LPL: variants seen among roughly 807,000 people sequenced by gnomAD.
The protein encoded by LPL is lipoprotein lipase.
In LPL, 43 loss-of-function variants were observed where a neutral mutation model predicts 52.2. The observed-to-expected ratio is 0.82, with a 90% CI of 0.64 to 1.06. The LOEUF (loss-of-function observed/expected upper bound fraction) is 1.06. Among genes scored for constraint, LPL ranks in the 50% least tolerant of loss-of-function variants. The pLI is 0.00. For missense variants in LPL, 639 were observed against 585.3 expected, an observed-to-expected ratio of 1.09 and a Z score of -0.95; for synonymous variants, 244 against 215.6, an observed-to-expected ratio of 1.13 and a Z score of -1.15.
At chr8:19,943,056 T>C (rs944235260) in intron 1 of LPL, among the ~76,000 whole-genome samples, 45 of 152,228 alleles carry the variant, frequency 3.0e-4, no homozygotes, top group Admixed American at 2.9e-3. Flanking sequence ...AGAACAAAGA[T>C]GACCCAGTTG....
intron 7 of LPL, 151 bp from the exon 8 acceptor site, chr8:19,960,750 T>C (rs2070030998): frequency 1.5e-6 from 1 of 648,162 alleles, no homozygotes; most frequent in African/African-American, 1.8e-5. Flanking sequence ...GCCATCGACC[T>C]TCATTTTGAG....
rs1046881566 is a variant in LPL at position 19,939,362 on chromosome 8, A to C, written c.-79A>C. 3 of 1,420,590 alleles carry C rather than the reference A, an allele frequency of 2.1e-6. No individual in the cohort carries two copies. The highest frequency in any genetic ancestry group is 2.9e-6 in the Non-Finnish European group (3 of 1,033,306). The allele number at this position is 1,420,590 out of a possible 1,614,324, so 88.0% of individuals were successfully genotyped here. A position where few individuals can be genotyped will look rare whatever the true frequency, so the allele number is the denominator to read the frequency against. ...TTGCTCAGCGCCAAACCGCGGCTCC[A>C]GCCCTCTCCAGCCTCCGGCTCAGCC... On this transcript the variant is annotated 5_prime_UTR_variant, in exon 1 of 10. Transcript: ENST00000650287. This position sits in a 1 kb window ranked among gnomAD's most constrained non-coding sequence, Gnocchi z 4.0.
chr8:19,964,955 CCTT>C, intron 9 of LPL, among the ~76,000 whole-genome samples: 1 of 152,324 alleles, frequency 6.6e-6, no homozygotes, highest in South Asian at 2.1e-4. Context: ...CTTTCTCACA[CCTT>C]CTGCTAACTC....
chr8:19,955,977 T>A lies in LPL; in HGVS notation c.912T>A (p.Ser304Arg). 1 of 1,614,088 alleles carries A rather than the reference T, an allele frequency of 6.2e-7. No homozygotes were observed. Among genetic ancestry groups the A allele is most frequent in the Non-Finnish European group, 8.5e-7 (1 of 1,180,012 alleles). ...CCTTTGAGAAAGGGCTCTGCTTGAG[T>A]TGTAGAAAGAACCGCTGCAACAATC... The part of the protein sequence containing the change: ...KEAFEKGLCL[S>R]CRKNRCNNLG... The change falls in exon 6 of 10, where the codon AGT (serine) becomes AGA (arginine). Residue 304 changes from serine to arginine, a missense_variant. Transcript: ENST00000650287.
Position 19,939,530 on chromosome 8 carries a change from T to C in LPL, c.88+2T>C. 6.2e-7 allele frequency: 1 copy of C among 1,606,500 alleles called. No individual in the cohort carries two copies. Among genetic ancestry groups the C allele is most frequent in the Non-Finnish European group, 8.5e-7 (1 of 1,177,438 alleles). On this transcript the variant is annotated splice_donor_variant, in intron 1 of 9. Coordinates refer to ENST00000650287, the MANE Select transcript of LPL (RefSeq NM_000237.3). LOFTEE classifies it high-confidence loss of function. The surrounding 1 kb of genome is among the most constrained non-coding windows in gnomAD (Gnocchi z 4.0). ...GCGGAGGGGTGGCCGCCGCCGACCG[T>C]AAGTTTTGCGCGCAAACTCCCCTCC... is the stretch of plus-strand genomic sequence containing the variant.
At chr8:19,947,314 G>A (rs1265174402) in intron 1 of LPL, among the ~76,000 whole-genome samples, 1 of 151,968 alleles carries the variant, frequency 6.6e-6, no homozygotes, top group Non-Finnish European at 1.5e-5. Context: ...AGAACAGCCT[G>A]GCCAACATGG....
rs745407792 is a variant in LPL, at chr8:19,950,408, A to G, written c.250-1361A>G. Among the ~76,000 whole-genome samples the G allele has an allele frequency of 7.9e-5, 12 of 152,236 alleles. No individual in the cohort carries two copies. Among genetic ancestry groups the G allele is most frequent in the Non-Finnish European group, 1.3e-4 (9 of 68,036 alleles). ...TTACTTACATCAGTATTTTATGTTG[A>G]TCAGAAAGAAAGGATTCAATTAGCT... is the stretch of plus-strand genomic sequence containing the variant. On this transcript the variant is annotated intron_variant, in intron 2 of 9. Transcript: ENST00000650287. The surrounding 1 kb of genome is among the most constrained non-coding windows in gnomAD (Gnocchi z 4.2).
In LPL at chr8:19,951,936, C is replaced by T. The variant is rs1453664641; in HGVS notation, c.417C>T (p.Ile139=). 6.2e-7 allele frequency: 1 copy of T among 1,614,140 alleles called. No homozygotes were observed. The highest frequency in any genetic ancestry group is 1.6e-4 in the Middle Eastern group (1 of 6,062). The part of the protein sequence containing the change: ...KLVGQDVARF[I]NWMEEEFNYP... The stretch of plus-strand genomic sequence containing the variant: ...TGGGACAGGATGTGGCCCGGTTTAT[C>T]AACTGGATGGAGGTAAGACTGGGAG... Residue 139 remains isoleucine (I), a synonymous_variant, in exon 3 of 10, where the codon ATC becomes ATT. Coordinates refer to ENST00000650287, the MANE Select transcript of LPL (RefSeq NM_000237.3).
In LPL at chr8:19,961,075, T is replaced by G. The variant is rs764305885; in HGVS notation, c.1314T>G (p.Thr438=). 7 of 1,613,920 alleles carry G rather than the reference T, an allele frequency of 4.3e-6. No homozygotes were observed. The highest frequency in any genetic ancestry group is 5.9e-6 in the Non-Finnish European group (7 of 1,179,980). ...IQKIRVKAGE[T]QKKVIFCSRE... is the part of the protein sequence containing the mutation. ...AGATCAGAGTAAAAGCAGGAGAGACTCAGAAAAAGTAATTAAATGTATTTT... is the reference window on the plus strand; with the variant it reads ...AGATCAGAGTAAAAGCAGGAGAGACGCAGAAAAAGTAATTAAATGTATTTT... Residue 438 remains threonine (T), a synonymous_variant, in exon 8 of 10, where the codon ACT becomes ACG. Coordinates refer to ENST00000650287, the MANE Select transcript of LPL (RefSeq NM_000237.3).
In LPL at chr8:19,959,777, C is replaced by CTTTTTTTTTTTTTTTTTT. The variant is rs71205952; in HGVS notation, c.1139+409_1139+426dup. On this transcript the variant is annotated intron_variant, in intron 7 of 9. Coordinates refer to ENST00000650287, the MANE Select transcript of LPL (RefSeq NM_000237.3). ...AGAAGTCCATGACAAAGTGTTAGCT[C>CTTTTTTTTTTTTTTTTTT]TTTTTTTTTTTTTTTTTTTTTTTTT... Among the ~76,000 whole-genome samples, 46 of 65,132 alleles carry CTTTTTTTTTTTTTTTTTT rather than the reference C, an allele frequency of 7.1e-4. 6 individuals are homozygous for CTTTTTTTTTTTTTTTTTT. Among genetic ancestry groups the CTTTTTTTTTTTTTTTTTT allele is most frequent in the Non-Finnish European group, 8.8e-4 (31 of 35,272 alleles). 42.7% of individuals were successfully genotyped at this position (65,132 alleles called of 152,430 possible).
rs896111777 is a variant in LPL, at chr8:19,939,858, C to T, written c.88+330C>T. On this transcript the variant is annotated intron_variant, in intron 1 of 9. Transcript: ENST00000650287. This position sits in a 1 kb window ranked among gnomAD's most constrained non-coding sequence, Gnocchi z 4.0. ...TTCCGGGGTGTGGGGGCCGGGACGG[C>T]GGAGGCGGGGAGTAAGGGCCCGGCT... Among the ~76,000 whole-genome samples, 2 of 152,136 alleles carry T rather than the reference C, an allele frequency of 1.3e-5. No homozygotes were observed. Among genetic ancestry groups the T allele is most frequent in the East Asian group, 1.9e-4 (1 of 5,152 alleles).
intron 9 of LPL, among the ~76,000 whole-genome samples, chr8:19,962,649 T>C (rs1176617029): frequency 6.6e-6 from 1 of 152,164 alleles, no homozygotes; most frequent in Non-Finnish European, 1.5e-5. Flanking sequence ...AAGATCTCAC[T>C]GCATCACCTG....
chr8:19,961,071 A>T lies in LPL; in HGVS notation c.1310A>T (p.Glu437Val). The change falls in exon 8 of 10, where the codon GAG becomes GTG. Residue 437 changes from glutamate (E) to valine (V), a missense_variant. Physicochemically the swap from Glu to Val is moderately radical, Grantham distance 121 (BLOSUM62 -2). Transcript: ENST00000650287. ...CAGAAGATCAGAGTAAAAGCAGGAG[A>T]GACTCAGAAAAAGTAATTAAATGTA... The part of the protein sequence containing the change: ...AIQKIRVKAG[E>V]TQKKVIFCSR... 1 of 1,614,040 alleles carries T rather than the reference A, an allele frequency of 6.2e-7. No individual in the cohort carries two copies.
chr8:19,957,587 C>T (rs283), intron 6 of LPL, among the ~76,000 whole-genome samples: 42,701 of 152,048 alleles, frequency 0.28, 7,126 homozygotes, highest in African/African-American at 0.47. Context: ...CTAGGGGCAC[C>T]TCACCACTCC....
At chr8:19,942,118 C>T (rs771471229) in intron 1 of LPL, among the ~76,000 whole-genome samples, 5 of 152,108 alleles carry the variant, frequency 3.3e-5, no homozygotes, top group Non-Finnish European at 5.9e-5. Flanking sequence ...GAGTCAGGTA[C>T]GGGGGAAGAG....
chr8:19,940,436 G>A (rs533403792), intron 1 of LPL, among the ~76,000 whole-genome samples: 47 of 152,328 alleles, frequency 3.1e-4, no homozygotes, highest in African/African-American at 1.1e-3. Flanking sequence ...TGGAGGCAGC[G>A]AGCACAACGG....
In LPL at chr8:19,952,082, T is replaced by C. The variant is rs539220213; in HGVS notation, c.429+134T>C. On this transcript the variant is annotated intron_variant, in intron 3 of 9. Coordinates refer to ENST00000650287, the MANE Select transcript of LPL (RefSeq NM_000237.3). Reference sequence around the variant, plus strand: ...GGCATTCAAATCTTCAGAATCAGCGTGGATATTATTTTATATCCAAAAGCA... The same window carrying C: ...GGCATTCAAATCTTCAGAATCAGCGCGGATATTATTTTATATCCAAAAGCA... The C allele has an allele frequency of 3.3e-5, 33 of 990,562 alleles. No individual in the cohort carries two copies. The East Asian group carries it at 7.2e-4, about 22-fold the overall frequency. 61.4% of individuals were successfully genotyped at this position (990,562 alleles called of 1,614,324 possible). A position where few individuals can be genotyped will look rare whatever the true frequency, so the allele number is the denominator to read the frequency against.
rs376191411 is a variant in LPL, at chr8:19,957,316, G to A, written c.1018+1233G>A. On this transcript the variant is annotated intron_variant, in intron 6 of 9. Coordinates refer to ENST00000650287, the MANE Select transcript of LPL (RefSeq NM_000237.3). The stretch of plus-strand genomic sequence containing the variant: ...TGTGGAATCCAGATGGAAACCTGAG[G>A]GAAGGGATGATATTAAAGAACAGTG... Among the ~76,000 whole-genome samples, 9 of 152,274 alleles carry A rather than the reference G, an allele frequency of 5.9e-5. No individual in the cohort carries two copies. The South Asian group carries it at 1.9e-3, about 32-fold the overall frequency.
In LPL at chr8:19,956,156, T is replaced by G. The variant is rs269; in HGVS notation, c.1018+73T>G. On this transcript the variant is annotated intron_variant, in intron 6 of 9. Coordinates refer to ENST00000650287, the MANE Select transcript of LPL (RefSeq NM_000237.3). Reference sequence around the variant, plus strand: ...ATCATGCTCACTGCATCACATGTACTGATTCTGTCCATTGGAACAGAGATG... The same window carrying G: ...ATCATGCTCACTGCATCACATGTACGGATTCTGTCCATTGGAACAGAGATG... 313,947 of 1,593,162 alleles carry G rather than the reference T, an allele frequency of 0.2. 33,912 individuals are homozygous for G. The highest frequency in any genetic ancestry group is 0.44 in the African/African-American group (32,548 of 74,662).
Sources: gnomAD v4.1 joint callset for allele counts (sites outside exome capture counted in the v4.1 genomes callset) on GRCh38, gnomAD v4.1.1 for gene constraint, Gnocchi (gnomAD v3.1) non-coding constraint, MANE v1.5 for transcripts, NCBI Gene and HGNC (gene_info 2026-07-23, HGNC 2026-07-21) for gene names.